Variants in TBC1D22A observed in about 807,000 individuals in gnomAD.
TBC1D22A encodes the protein TBC1 domain family member 22A.
In TBC1D22A, 38 loss-of-function variants were observed where a neutral mutation model predicts 60.2. The observed-to-expected ratio is 0.63, with a 90% CI of 0.49 to 0.83. The LOEUF is 0.83. TBC1D22A is among the 40% of genes least tolerant of loss of function. The probability of loss-of-function intolerance (pLI) is 0.00; values close to 1 mark genes in which losing one functional copy is unlikely to be tolerated. For missense variants in TBC1D22A, 628 were observed against 701.0 expected, an observed-to-expected ratio of 0.90 and a Z score of 1.18; for synonymous variants, 302 against 281.7, an observed-to-expected ratio of 1.07 and a Z score of -0.72.
chr22:46,852,367 G>C (rs2087327292), intron 4 of TBC1D22A, among the ~76,000 whole-genome samples: 1 of 152,070 alleles, frequency 6.6e-6, no homozygotes, highest in South Asian at 2.1e-4. Context: ...GTGCCCCCCT[G>C]TCTGTGGTCT....
chr22:46,940,430 C>T (rs939756981), intron 8 of TBC1D22A, among the ~76,000 whole-genome samples: 50 of 150,628 alleles, frequency 3.3e-4, no homozygotes, highest in African/African-American at 1.2e-3. Context: ...CACCCTTGAA[C>T]AGCATGGGGA....
At chr22:46,845,969 C>T (rs1263340645) in intron 4 of TBC1D22A, among the ~76,000 whole-genome samples, 1 of 152,234 alleles carries the variant, frequency 6.6e-6, no homozygotes, top group Non-Finnish European at 1.5e-5. Flanking sequence ...TGGCAACAGC[C>T]AGGGCTCTGT....
intron 7 of TBC1D22A, among the ~76,000 whole-genome samples, chr22:46,899,610 G>T (rs896391430): frequency 6.6e-6 from 1 of 152,204 alleles, no homozygotes; most frequent in Non-Finnish European, 1.5e-5. Flanking sequence ...TCCAGTACGA[G>T]GTCATTGTCA....
chr22:46,764,377 G>T (rs2083214203), intron 1 of TBC1D22A: 1 of 152,222 alleles, frequency 6.6e-6, no homozygotes, highest in African/African-American at 2.4e-5. Context: ...GGGAAGAGGA[G>T]CCACATGACA....
At chr22:46,944,590 G>A (rs2072402366) in intron 8 of TBC1D22A, among the ~76,000 whole-genome samples, 1 of 152,144 alleles carries the variant, frequency 6.6e-6, no homozygotes, top group African/African-American at 2.4e-5. Context: ...AGTAGAGATG[G>A]GGTTTCACCG....
In TBC1D22A at chr22:46,908,477, G is replaced by A. The variant is rs569031156; in HGVS notation, c.901-3597G>A. 2.6e-5 allele frequency among the ~76,000 whole-genome samples: 4 copies of A among 152,300 alleles called. No homozygotes were observed. The East Asian group carries it at 5.8e-4, about 22-fold the overall frequency. On this transcript the variant is annotated intron_variant, in intron 7 of 12. Coordinates refer to ENST00000337137, the MANE Select transcript of TBC1D22A (RefSeq NM_014346.5). The stretch of plus-strand genomic sequence containing the variant: ...ACGTTAAAGGTCATTTTTGTTCAAT[G>A]CTTGAGCTGGCTGTCCTTTATTTAC...
intron 10 of TBC1D22A, among the ~76,000 whole-genome samples, chr22:47,011,796 A>T (rs1237139798): frequency 6.6e-6 from 1 of 152,142 alleles, no homozygotes; most frequent in Non-Finnish European, 1.5e-5. Flanking sequence ...ACTGCCCTTT[A>T]ATTCATAGAA....
chr22:47,049,103 G>A (rs1431528028), intron 11 of TBC1D22A, among the ~76,000 whole-genome samples: 5 of 152,188 alleles, frequency 3.3e-5, no homozygotes, highest in Admixed American at 6.5e-5. Context: ...GGAGGCCGGC[G>A]CTCCACCTGG....
At position 46,842,953 on chromosome 22, in the gene TBC1D22A, G is replaced by A. The variant is rs540805730; in HGVS notation, c.638-35700G>A. On this transcript the variant is annotated intron_variant, in intron 4 of 12. Transcript: ENST00000337137. ...GCCCATGTTCATGAGGAGATGGAAG[G>A]AGTGCAGAATGGCAGGGCTGGGATC... 2.0e-5 allele frequency among the ~76,000 whole-genome samples: 3 copies of A among 152,338 alleles called. No individual in the cohort carries two copies. In the South Asian group the frequency reaches 6.2e-4, roughly 32 times the overall value.
intron 4 of TBC1D22A, among the ~76,000 whole-genome samples, chr22:46,846,863 C>T (rs1049675435): frequency 1.3e-5 from 2 of 152,176 alleles, no homozygotes; most frequent in African/African-American, 4.8e-5. Context: ...CAAAGCAAAC[C>T]CCAGACATCC....
intron 4 of TBC1D22A, among the ~76,000 whole-genome samples, chr22:46,812,656 G>T (rs1381030091): frequency 6.6e-6 from 1 of 152,204 alleles, no homozygotes; most frequent in Non-Finnish European, 1.5e-5. Context: ...TTGAGGAATT[G>T]GCAGAAGGCT....
chr22:46,857,971 C>G (rs911997920), intron 4 of TBC1D22A, among the ~76,000 whole-genome samples: 2 of 152,126 alleles, frequency 1.3e-5, no homozygotes, highest in Non-Finnish European at 2.9e-5. Context: ...TCGTGTTTTC[C>G]TTTCTCTCGG....
chr22:46,936,676 A>G (rs143870408), intron 8 of TBC1D22A, among the ~76,000 whole-genome samples: 3 of 152,360 alleles, frequency 2.0e-5, no homozygotes, highest in African/African-American at 7.2e-5. Context: ...GGAGCCCTGA[A>G]CAAAAGAATC....
At chr22:47,012,433 A>G (rs1386574432) in intron 10 of TBC1D22A, among the ~76,000 whole-genome samples, 1 of 152,110 alleles carries the variant, frequency 6.6e-6, no homozygotes. Flanking sequence ...CCCAGGCACC[A>G]GGGGATTATT....
At chr22:46,894,304 C>T (rs537586040) in intron 6 of TBC1D22A, among the ~76,000 whole-genome samples, 3 of 152,320 alleles carry the variant, frequency 2.0e-5, no homozygotes, top group African/African-American at 7.2e-5. Flanking sequence ...CTGACACTAA[C>T]AGAGGCTTTC....
chr22:47,171,946 G>A (rs1238733403), intron 12 of TBC1D22A, among the ~76,000 whole-genome samples: 1 of 118,012 alleles, frequency 8.5e-6, no homozygotes. Flanking sequence ...GCAGGCCAGA[G>A]GAGCCCACCC....
Position 47,028,230 on chromosome 22 carries a change from C to T in TBC1D22A, c.1202-8841C>T, listed in dbSNP as rs536520605. Among the ~76,000 whole-genome samples the T allele has an allele frequency of 3.0e-4, 46 of 152,306 alleles. No individual in the cohort carries two copies. Among genetic ancestry groups the T allele is most frequent in the Non-Finnish European group, 5.7e-4 (39 of 68,022 alleles). ...GAGATGAAAAGATTGCGTGCTGTGG[C>T]GTCAGATAAACACCATTTCTTTACA... On this transcript the variant is annotated intron_variant, in intron 10 of 12. Transcript: ENST00000337137. This position sits in a 1 kb window ranked among gnomAD's most constrained non-coding sequence, Gnocchi z 4.4.
intron 10 of TBC1D22A, among the ~76,000 whole-genome samples, chr22:47,007,821 C>T (rs1003867601): frequency 4.6e-5 from 7 of 152,164 alleles, no homozygotes; most frequent in Non-Finnish European, 7.3e-5. Context: ...TTAATCACTT[C>T]CTTAGAAGCC....
chr22:47,075,222 C>CAAAAAAAAAAAAAA (rs386395628), intron 11 of TBC1D22A, among the ~76,000 whole-genome samples: 4 of 114,100 alleles, frequency 3.5e-5, no homozygotes, highest in African/African-American at 1.4e-4. Context: ...GATTCCGTCT[C>CAAAAAAAAAAAAAA]AAAAAAAAAA....
Sources: allele counts gnomAD v4.1 joint callset (sites outside exome capture counted in the v4.1 genomes callset), GRCh38; gene constraint gnomAD v4.1.1; non-coding constraint Gnocchi (gnomAD v3.1); transcripts MANE v1.5; gene names NCBI Gene and HGNC (gene_info 2026-07-23, HGNC 2026-07-21).